The following RBFOX1 variants were observed in gnomAD, a reference collection of about 807,000 sequenced individuals.
RBFOX1 encodes the protein RNA binding protein fox-1 homolog 1.
In RBFOX1, 8 loss-of-function variants were observed where a neutral mutation model predicts 57.7. That is an observed-to-expected ratio of 0.14 (90% CI 0.08 to 0.25). RBFOX1 has a LOEUF of 0.25. Ranked by LOEUF, RBFOX1 falls within the 10% of genes least tolerant of loss-of-function variation. RBFOX1 has a pLI of 1.00. For missense variants in RBFOX1, 611 were observed against 548.5 expected (o/e 1.11, Z -1.14); for synonymous variants, 326 against 222.4 (o/e 1.47, Z -4.15).
At chr16:7,530,340 T>A (rs2152363506) in intron 5 of RBFOX1, among the ~76,000 whole-genome samples, 1 of 152,258 alleles carries the variant, frequency 6.6e-6, no homozygotes, top group Non-Finnish European at 1.5e-5. Context: ...TACCCGGGGT[T>A]ATCTCTGCAT....
chr16:7,277,721 G>A lies in RBFOX1; in HGVS notation c.27+225623G>A, dbSNP rs149337358. On this transcript the variant is annotated intron_variant, in intron 4 of 15. Coordinates refer to ENST00000550418, the MANE Select transcript of RBFOX1 (RefSeq NM_018723.4). ...AAATCAAAGCCAAGGACTTCTATAG[G>A]CACAGAATGGTCAAGATATTTATTC... Among the ~76,000 whole-genome samples the A allele has an allele frequency of 5.1e-3, 777 of 152,258 alleles. 11 individuals are homozygous for A. Among genetic ancestry groups the A allele is most frequent in the African/African-American group, 0.018 (744 of 41,546 alleles).
chr16:6,662,477 T>C (rs2154099806), intron 3 of RBFOX1, among the ~76,000 whole-genome samples: 1 of 152,326 alleles, frequency 6.6e-6, no homozygotes, highest in African/African-American at 2.4e-5. Context: ...CACATTTTCC[T>C]GCAGGCCGGT....
At chr16:7,365,917 C>A (rs2097434961) in intron 4 of RBFOX1, among the ~76,000 whole-genome samples, 2 of 152,200 alleles carry the variant, frequency 1.3e-5, no homozygotes, top group African/African-American at 4.8e-5. Flanking sequence ...GTCAGTTTCA[C>A]TTCCACAAAC....
intron 2 of RBFOX1, among the ~76,000 whole-genome samples, chr16:6,357,540 C>G (rs2087576127): frequency 6.6e-6 from 1 of 151,922 alleles, no homozygotes; most frequent in African/African-American, 2.4e-5. Context: ...TGGAGGTCGT[C>G]TGCACAAGCG....
intron 1 of RBFOX1, among the ~76,000 whole-genome samples, chr16:6,311,573 C>G (rs1392800756): frequency 6.6e-6 from 1 of 152,146 alleles, no homozygotes; most frequent in Non-Finnish European, 1.5e-5. Flanking sequence ...CCATGACTGT[C>G]CTTAGAAAAG....
At chr16:6,191,971 G>A (rs2097144685) in intron 1 of RBFOX1, among the ~76,000 whole-genome samples, 1 of 152,176 alleles carries the variant, frequency 6.6e-6, no homozygotes. Context: ...TATGTCTTGG[G>A]ACAAAGTGGT....
chr16:6,714,475 A>G (rs897496194), intron 3 of RBFOX1, among the ~76,000 whole-genome samples: 1 of 152,140 alleles, frequency 6.6e-6, no homozygotes, highest in Admixed American at 6.6e-5. Flanking sequence ...CTTGGAACCA[A>G]CGTACACACA....
intron 4 of RBFOX1, among the ~76,000 whole-genome samples, chr16:7,403,844 G>C (rs1235530956): frequency 2.0e-5 from 3 of 150,894 alleles, no homozygotes; most frequent in Non-Finnish European, 4.4e-5. Context: ...CCATGCCGGG[G>C]CTCCTTGTTT....
chr16:7,159,244 C>G (rs1157412847), intron 4 of RBFOX1, among the ~76,000 whole-genome samples: 1 of 151,846 alleles, frequency 6.6e-6, no homozygotes, highest in Non-Finnish European at 1.5e-5. Flanking sequence ...CAATCTACCA[C>G]CCAAGAATCT....
At chr16:6,007,691 G>C (rs780686349) in intron 4 of RBFOX1, among the ~76,000 whole-genome samples, 3 of 152,188 alleles carry the variant, frequency 2.0e-5, no homozygotes, top group Non-Finnish European at 2.9e-5. Context: ...ATACATACTT[G>C]TGGGATGAAT....
At chr16:7,155,738 T>TACACACACACAC (rs138509367) in intron 4 of RBFOX1, among the ~76,000 whole-genome samples, 7 of 75,508 alleles carry the variant, frequency 9.3e-5, no homozygotes, top group African/African-American at 3.7e-4. Context: ...TATATATATA[T>TACACACACACAC]ACACACACAC....
chr16:6,944,298 G>C (rs183982341), intron 3 of RBFOX1, among the ~76,000 whole-genome samples: 16 of 151,978 alleles, frequency 1.1e-4, no homozygotes, highest in South Asian at 2.1e-4. Flanking sequence ...AGGAGGCTGA[G>C]GCAGGAGAAT....
At chr16:5,685,394 C>T (rs1262379386) in intron 3 of RBFOX1, among the ~76,000 whole-genome samples, 1 of 152,156 alleles carries the variant, frequency 6.6e-6, no homozygotes, top group Non-Finnish European at 1.5e-5. Context: ...TTCCAAACAA[C>T]ATTATTATTG....
At chr16:7,082,064 C>T (rs1254199517) in intron 4 of RBFOX1, among the ~76,000 whole-genome samples, 2 of 152,242 alleles carry the variant, frequency 1.3e-5, no homozygotes, top group Admixed American at 6.5e-5. Flanking sequence ...TAGTGATGGT[C>T]GGTGGTAACC....
At chr16:6,930,310 T>C (rs2076295522) in intron 3 of RBFOX1, among the ~76,000 whole-genome samples, 1 of 152,044 alleles carries the variant, frequency 6.6e-6, no homozygotes, top group South Asian at 2.1e-4. Flanking sequence ...AAATGGCCAA[T>C]ATGCACATAA....
At chr16:5,624,070 A>G (rs1567312682) in intron 3 of RBFOX1, among the ~76,000 whole-genome samples, 1 of 152,232 alleles carries the variant, frequency 6.6e-6, no homozygotes, top group Non-Finnish European at 1.5e-5. Context: ...ATTTTACAGA[A>G]GAGCAAATAA....
At chr16:6,057,211 C>T (rs1219288194) in intron 1 of RBFOX1, 1 of 152,068 alleles carries the variant, frequency 6.6e-6, no homozygotes, top group African/African-American at 2.4e-5. Context: ...TTGATATTTA[C>T]AGTGCTTAAA....
At chr16:6,457,697 G>A (rs1352261990) in intron 2 of RBFOX1, among the ~76,000 whole-genome samples, 1 of 152,134 alleles carries the variant, frequency 6.6e-6, no homozygotes, top group East Asian at 1.9e-4. Flanking sequence ...AGGAGTAGGT[G>A]CTGGTATCTG....
At chr16:6,909,415 C>A (rs1260740324) in intron 3 of RBFOX1, among the ~76,000 whole-genome samples, 1 of 152,172 alleles carries the variant, frequency 6.6e-6, no homozygotes, top group Non-Finnish European at 1.5e-5. Context: ...TTACATCTGC[C>A]AAGGTTCTTT....
Sources: gnomAD v4.1 joint callset for allele counts (sites outside exome capture counted in the v4.1 genomes callset) on GRCh38, gnomAD v4.1.1 for gene constraint, MANE v1.5 for transcripts, NCBI Gene and HGNC (gene_info 2026-07-23, HGNC 2026-07-21) for gene names.